The following DENND2B variants were observed in gnomAD, a reference collection of about 807,000 sequenced individuals.
DENND2B encodes the protein DENN domain-containing protein 2B.
In DENND2B, 32 loss-of-function variants were observed where a neutral mutation model predicts 116.0. That is an observed-to-expected ratio of 0.28 (90% CI 0.21 to 0.37). The LOEUF (loss-of-function observed/expected upper bound fraction) is 0.37, where lower values mean the gene tolerates loss of function less well. Ranked by LOEUF, DENND2B falls within the 10% of genes least tolerant of loss-of-function variation. The pLI, the probability that DENND2B is intolerant of heterozygous loss-of-function variation, is 1.00. For synonymous variants in DENND2B, 588 were observed against 583.9 expected, an observed-to-expected ratio of 1.01 and a Z score of -0.10; for missense variants, 1,276 against 1,477.7, an observed-to-expected ratio of 0.86 and a Z score of 2.24.
At chr11:8,869,986 A>G (rs556268855) in intron 2 of DENND2B, among the ~76,000 whole-genome samples, 20 of 152,300 alleles carry the variant, frequency 1.3e-4, no homozygotes, top group Non-Finnish European at 2.9e-4. Context: ...AAACAAAACA[A>G]TGCAGCCCTT....
At chr11:8,701,923 C>G (rs943033923) in intron 14 of DENND2B, among the ~76,000 whole-genome samples, 2 of 152,130 alleles carry the variant, frequency 1.3e-5, no homozygotes, top group Non-Finnish European at 2.9e-5. Context: ...AACCAGCTCC[C>G]CGACTTCCCT....
rs149457234 is a variant in DENND2B at position 8,777,652 on chromosome 11, C to T, written c.-25-26927G>A. ...TGAATCAAGTGCTCAAAGCTACACA[C>T]ATTGGGAGTGCTCTAAAATTCCTAT... On this transcript the variant is annotated intron_variant, in intron 1 of 19. Coordinates refer to ENST00000313726, the MANE Select transcript of DENND2B (RefSeq NM_213618.2). 1.8e-3 allele frequency among the ~76,000 whole-genome samples: 270 copies of T among 152,324 alleles called. 1 individual carries two copies. The highest frequency in any genetic ancestry group is 4.3e-3 in the African/African-American group (178 of 41,566).
chr11:8,762,050 G>A lies in DENND2B; in HGVS notation c.-25-11325C>T, dbSNP rs552038740. 7.9e-5 allele frequency among the ~76,000 whole-genome samples: 12 copies of A among 152,118 alleles called. No individual in the cohort carries two copies. The South Asian group carries it at 2.5e-3, about 32-fold the overall frequency. On this transcript the variant is annotated intron_variant, in intron 1 of 19. Transcript: ENST00000313726. The stretch of plus-strand genomic sequence containing the variant: ...CTGCCTCTGCTTCCGATTCCACTAA[G>A]AACAGATCCTCAATGAGCTACACTC...
intron 2 of DENND2B, among the ~76,000 whole-genome samples, chr11:8,880,280 G>A (rs538607090): frequency 4.0e-5 from 6 of 151,466 alleles, no homozygotes; most frequent in African/African-American, 1.5e-4. Context: ...AAGACTTGAA[G>A]AGCCAAAATA....
At chr11:8,720,794 C>A (rs2046028590) in intron 4 of DENND2B, among the ~76,000 whole-genome samples, 2 of 152,184 alleles carry the variant, frequency 1.3e-5, no homozygotes, top group Non-Finnish European at 2.9e-5. Context: ...GACCACTAAA[C>A]TGAACCAGCT....
intron 2 of DENND2B, among the ~76,000 whole-genome samples, chr11:8,735,530 G>C (rs1341559661): frequency 2.0e-5 from 3 of 152,278 alleles, no homozygotes; most frequent in Non-Finnish European, 4.4e-5. Flanking sequence ...GGCCACGCCT[G>C]CGTATCATTG....
chr11:8,795,331 GC>G (rs1192052238), intron 1 of DENND2B, among the ~76,000 whole-genome samples: 5 of 152,120 alleles, frequency 3.3e-5, no homozygotes, highest in Non-Finnish European at 7.3e-5. Flanking sequence ...TTAACATCTG[GC>G]CCTCATACCC....
chr11:8,750,585 C>G, intron 2 of DENND2B, 36 bp downstream of exon 2: 1 of 1,589,752 alleles, frequency 6.3e-7, no homozygotes, highest in East Asian at 2.2e-5. Context: ...ACCTAGGTCC[C>G]TTGATGCCAC....
At chr11:8,838,732 GA>G (rs1210857861) in intron 4 of DENND2B, among the ~76,000 whole-genome samples, 2 of 152,196 alleles carry the variant, frequency 1.3e-5, no homozygotes, top group African/African-American at 2.4e-5. Context: ...GAGATCTAAA[GA>G]TAGGATTGTA....
intron 3 of DENND2B, among the ~76,000 whole-genome samples, chr11:8,846,092 T>C (rs1410705211): frequency 2.6e-5 from 4 of 152,138 alleles, no homozygotes; most frequent in Non-Finnish European, 5.9e-5. Flanking sequence ...TGGGAAACCA[T>C]GGTCCACAGA....
chr11:8,817,564 G>C (rs1475251581), intron 4 of DENND2B, among the ~76,000 whole-genome samples: 3 of 152,142 alleles, frequency 2.0e-5, no homozygotes, highest in Non-Finnish European at 4.4e-5. Flanking sequence ...AACTAGGGAA[G>C]TGTGGAATTC....
At chr11:8,776,740 CT>C (rs1403562790) in intron 1 of DENND2B, 1 of 159,818 alleles carries the variant, frequency 6.3e-6, no homozygotes, top group African/African-American at 2.4e-5. Context: ...CCCCATCTTG[CT>C]TTAGAATTTT....
chr11:8,735,160 T>C (rs945250692), intron 2 of DENND2B, among the ~76,000 whole-genome samples: 3 of 152,236 alleles, frequency 2.0e-5, no homozygotes, highest in South Asian at 2.1e-4. Flanking sequence ...GAAATTGAAA[T>C]TGTTCAAATT....
intron 19 of DENND2B, chr11:8,694,498 G>A: frequency 6.4e-6 from 3 of 465,996 alleles, no homozygotes; most frequent in Non-Finnish European, 1.3e-5. Flanking sequence ...AAGCTCACTG[G>A]CTCTAATGGC....
intron 2 of DENND2B, among the ~76,000 whole-genome samples, chr11:8,746,041 C>A (rs2051180318): frequency 6.6e-6 from 1 of 151,616 alleles, no homozygotes; most frequent in South Asian, 2.1e-4. Flanking sequence ...AATAAATAAC[C>A]AGACCAGTAC....
intron 4 of DENND2B, among the ~76,000 whole-genome samples, chr11:8,822,067 C>T (rs765873649): frequency 6.6e-6 from 1 of 152,160 alleles, no homozygotes; most frequent in Admixed American, 6.5e-5. Context: ...TAAATTAAAT[C>T]AATTACTGGT....
chr11:8,906,060 T>C (rs1480667869), intron 1 of DENND2B, among the ~76,000 whole-genome samples: 3 of 151,746 alleles, frequency 2.0e-5, no homozygotes, highest in African/African-American at 4.8e-5. Context: ...ACTAGGGATT[T>C]TTCTCAGGTA....
chr11:8,796,242 T>TA (rs34682793), intron 1 of DENND2B, among the ~76,000 whole-genome samples: 19 of 151,418 alleles, frequency 1.3e-4, no homozygotes, highest in South Asian at 2.1e-4. Context: ...ATCAAACCTT[T>TA]AAAAAAAAAG....
rs539369089 is a variant in DENND2B, at chr11:8,909,003, C to G, written c.-256+1818G>C. ...CACACATTCAAGGGCTATTTTTAGT[C>G]CTTACTGTGACAGACAAAATAGTAA... On this transcript the variant is annotated intron_variant, in intron 1 of 22. Transcript: ENST00000534127. 5.9e-5 allele frequency among the ~76,000 whole-genome samples: 9 copies of G among 152,136 alleles called. No individual in the cohort carries two copies. In the South Asian group the frequency reaches 1.9e-3, roughly 32 times the overall value.
Sources: gnomAD v4.1 joint callset for allele counts (sites outside exome capture counted in the v4.1 genomes callset) on GRCh38, gnomAD v4.1.1 for gene constraint, MANE v1.5 for transcripts, NCBI Gene and HGNC (gene_info 2026-07-23, HGNC 2026-07-21) for gene names.